The following VPS45 variants were observed in gnomAD, a reference collection of about 807,000 sequenced individuals.
The protein encoded by VPS45 is vacuolar protein sorting 45 homolog, also known as vacuolar protein sorting-associated protein 45.
Under a neutral mutation model 75.9 loss-of-function variants are expected in VPS45, and 35 were observed. The ratio of observed to expected loss-of-function variants is 0.46; its 90% confidence interval spans 0.35 to 0.61. The LOEUF is 0.61. Among genes scored for constraint, VPS45 ranks in the 20% least tolerant of loss-of-function variants. The pLI is 0.00. For synonymous variants in VPS45, 220 were observed against 238.2 expected, an observed-to-expected ratio of 0.92 and a Z score of 0.70; for missense variants, 559 against 685.9, an observed-to-expected ratio of 0.81 and a Z score of 2.07.
chr1:150,124,827 G>A (rs1399680784), intron 14 of VPS45, among the ~76,000 whole-genome samples: 1 of 151,278 alleles, frequency 6.6e-6, no homozygotes. Flanking sequence ...CCAAAGTGCT[G>A]GGATTATAGG....
intron 14 of VPS45, among the ~76,000 whole-genome samples, chr1:150,115,444 A>G (rs1553808090): frequency 1.3e-5 from 2 of 151,770 alleles, no homozygotes; most frequent in Admixed American, 6.6e-5. Flanking sequence ...CAAATCCTTT[A>G]TTTTTCCTAA....
At chr1:150,122,029 G>C (rs1367650943) in intron 14 of VPS45, among the ~76,000 whole-genome samples, 2 of 152,112 alleles carry the variant, frequency 1.3e-5, no homozygotes, top group African/African-American at 4.8e-5. Context: ...CTTAAGAAGA[G>C]ATGTGTGTAG....
chr1:150,099,352 T>C (rs1030504220), intron 13 of VPS45, among the ~76,000 whole-genome samples: 30 of 151,294 alleles, frequency 2.0e-4, no homozygotes, highest in Non-Finnish European at 3.7e-4. Context: ...AATACAAAAA[T>C]TAGCCGGGTG....
intron 14 of VPS45, among the ~76,000 whole-genome samples, chr1:150,117,524 AAAATAAAT>A (rs587679181): frequency 1.3e-5 from 2 of 150,912 alleles, no homozygotes; most frequent in Non-Finnish European, 2.9e-5. Flanking sequence ...CTCTGTCTCA[AAAATAAAT>A]AAATAAATAA....
intron 13 of VPS45, among the ~76,000 whole-genome samples, chr1:150,107,597 C>A (rs587639921): frequency 6.6e-6 from 1 of 152,240 alleles, no homozygotes; most frequent in African/African-American, 2.4e-5. Context: ...CCAAAACTAT[C>A]CTTCAAAAAA....
At chr1:150,122,965 G>A (rs587608998) in intron 14 of VPS45, among the ~76,000 whole-genome samples, 71 of 120,570 alleles carry the variant, frequency 5.9e-4, no homozygotes, top group Non-Finnish European at 5.0e-4. Flanking sequence ...TCCAGCCTGG[G>A]CAACAAGAGC....
chr1:150,130,329 C>T (rs1188131688), intron 14 of VPS45, among the ~76,000 whole-genome samples: 1 of 150,306 alleles, frequency 6.7e-6, no homozygotes, highest in Non-Finnish European at 1.5e-5. Context: ...GCTGGGACTA[C>T]ACGTGTGTAC....
At chr1:150,136,944 G>A (rs1472672496) in intron 14 of VPS45, among the ~76,000 whole-genome samples, 2 of 152,124 alleles carry the variant, frequency 1.3e-5, no homozygotes, top group African/African-American at 4.8e-5. Context: ...TATCACCCAG[G>A]CTGGAGTGCA....
chr1:150,128,953 G>A (rs1658669364), intron 14 of VPS45, among the ~76,000 whole-genome samples: 1 of 152,148 alleles, frequency 6.6e-6, no homozygotes, highest in South Asian at 2.1e-4. Context: ...GTGTTAGCCA[G>A]GATGGTCTTG....
At chr1:150,140,386 G>GGTGTGTGT (rs574312693) in intron 14 of VPS45, among the ~76,000 whole-genome samples, 10,810 of 140,254 alleles carry the variant, frequency 0.077, 478 homozygotes, top group Non-Finnish European at 0.093. Context: ...CATCACTTCT[G>GGTGTGTGT]GTGTGTGTGT....
rs1389688490 is a variant in VPS45, at chr1:150,076,221, CAT to C, written c.290-11_290-10del. ...TATCTCCTTTGAGTCAACCCCAACT[CAT>C]GTGTTTCAGATTTCAGTAATGTGAT... On this transcript the variant is annotated splice_polypyrimidine_tract_variant and intron_variant, in intron 3 of 14. Coordinates refer to ENST00000644510, the MANE Select transcript of VPS45 (RefSeq NM_007259.5). The C allele has an allele frequency of 1.9e-6, 3 of 1,596,660 alleles. No individual in the cohort carries two copies. The highest frequency in any genetic ancestry group is 1.1e-5 in the South Asian group (1 of 89,250).
intron 3 of VPS45, among the ~76,000 whole-genome samples, chr1:150,074,651 G>C (rs757837273): frequency 6.6e-5 from 10 of 152,184 alleles, no homozygotes; most frequent in Non-Finnish European, 1.2e-4. Flanking sequence ...GCCTCCCAAA[G>C]TGATGGGATT....
intron 14 of VPS45, among the ~76,000 whole-genome samples, chr1:150,126,616 G>T (rs1395813967): frequency 6.6e-6 from 1 of 152,066 alleles, no homozygotes; most frequent in Non-Finnish European, 1.5e-5. Flanking sequence ...ACTCATCAAA[G>T]AATATCCTTG....
intron 9 of VPS45, among the ~76,000 whole-genome samples, chr1:150,082,374 C>T (rs1023495674): frequency 3.9e-5 from 6 of 151,998 alleles, no homozygotes; most frequent in Non-Finnish European, 8.8e-5. Flanking sequence ...GGTGTGGTGG[C>T]GCATGCCTGT....
chr1:150,072,022 C>A, intron 2 of VPS45, 144 bp from the exon 3 acceptor site: 1 of 446,962 alleles, frequency 2.2e-6, no homozygotes, highest in Non-Finnish European at 4.0e-6. Context: ...GTCTCCAGCC[C>A]TTACCCACCA....
chr1:150,115,753 A>G (rs1657897091), intron 14 of VPS45, among the ~76,000 whole-genome samples: 1 of 152,184 alleles, frequency 6.6e-6, no homozygotes, highest in African/African-American at 2.4e-5. Context: ...CTCCTTGTGC[A>G]GATAGATTTT....
At chr1:150,071,013 T>C (rs1553796935) in intron 2 of VPS45, among the ~76,000 whole-genome samples, 1 of 152,084 alleles carries the variant, frequency 6.6e-6, no homozygotes, top group East Asian at 1.9e-4. Flanking sequence ...ATTTTTTGCC[T>C]TAAGATTATA....
chr1:150,098,830 ATT>A, intron 13 of VPS45: 1 of 1,242,746 alleles, frequency 8.0e-7, no homozygotes, highest in Admixed American at 2.8e-5. Flanking sequence ...TTTCAAGCTA[ATT>A]TTTTTTTCTC....
At chr1:150,137,514 G>A (rs1269627832) in intron 14 of VPS45, among the ~76,000 whole-genome samples, 1 of 151,998 alleles carries the variant, frequency 6.6e-6, no homozygotes, top group African/African-American at 2.4e-5. Context: ...CTTCCACTTG[G>A]GCACCAGAGC....
Sources: gnomAD v4.1 joint callset for allele counts (sites outside exome capture counted in the v4.1 genomes callset) on GRCh38, gnomAD v4.1.1 for gene constraint, MANE v1.5 for transcripts, NCBI Gene and HGNC (gene_info 2026-07-23, HGNC 2026-07-21) for gene names.